WIZ: variants seen among roughly 807,000 people sequenced by gnomAD.
The protein encoded by WIZ is protein Wiz.
Under a neutral mutation model 140.2 loss-of-function variants are expected in WIZ, and 25 were observed. The observed-to-expected ratio is 0.18, with a 90% CI of 0.13 to 0.25. WIZ has a LOEUF of 0.25. Ranked by LOEUF, WIZ falls within the 10% of genes least tolerant of loss-of-function variation. WIZ has a pLI of 1.00. For missense variants in WIZ, 2,231 were observed against 2,632.6 expected, an observed-to-expected ratio of 0.85 and a Z score of 3.34; for synonymous variants, 1,125 against 1,154.3, an observed-to-expected ratio of 0.97 and a Z score of 0.51.
chr19:15,426,949 G>C (rs1968862197), intron 9 of WIZ, 33 bp downstream of exon 9: 1 of 1,573,242 alleles, frequency 6.4e-7, no homozygotes, highest in Non-Finnish European at 8.6e-7. Context: ...CCCTCCAACT[G>C]TTCTCCCTGC....
In WIZ at chr19:15,423,063, GA is replaced by G. The variant is rs768685660; in HGVS notation, c.*12del. ...CAGAGGTGGCACGAGAGGGGATCTG[GA>G]ATGCTTTTGTGTTAGGGAGCCTCTG... On this transcript the variant is annotated 3_prime_UTR_variant, in exon 13 of 13. Transcript: ENST00000673675. The G allele has an allele frequency of 1.2e-6, 2 of 1,609,910 alleles. No individual in the cohort carries two copies. The highest frequency in any genetic ancestry group is 2.7e-5 in the African/African-American group (2 of 74,814).
chr19:15,432,590 G>T (rs1025794544), intron 5 of WIZ: 1 of 372,862 alleles, frequency 2.7e-6, no homozygotes, highest in Admixed American at 6.7e-5. Context: ...GGGCTCGGGG[G>T]GCTGGGCGGG....
chr19:15,434,258 T>TAA (rs969364743), intron 5 of WIZ, among the ~76,000 whole-genome samples: 26 of 67,770 alleles, frequency 3.8e-4, no homozygotes, highest in African/African-American at 6.4e-4. Context: ...ACTCCATCTT[T>TAA]AAAAAAAAAA....
In WIZ at chr19:15,442,755, CAG is replaced by C; in HGVS notation, c.206-9_206-8del. On this transcript the variant is annotated splice_region_variant and splice_polypyrimidine_tract_variant and intron_variant, in intron 2 of 12. Transcript: ENST00000673675. This position sits in a 1 kb window ranked among gnomAD's most constrained non-coding sequence, Gnocchi z 5.5. The stretch of plus-strand genomic sequence containing the variant: ...CCGGGATGGGGCTGCCCGTCTGCAA[CAG>C]AGAGGGGAGACCCTGAGGGGCTGGG... 5 of 1,231,934 alleles carry C rather than the reference CAG, an allele frequency of 4.1e-6. No individual in the cohort carries two copies. The highest frequency in any genetic ancestry group is 5.1e-6 in the Non-Finnish European group (5 of 987,848). 76.3% of individuals were successfully genotyped at this position (1,231,934 alleles called of 1,614,324 possible).
intron 3 of WIZ, among the ~76,000 whole-genome samples, chr19:15,441,243 T>C (rs1969734073): frequency 6.6e-6 from 1 of 152,134 alleles, no homozygotes; most frequent in Admixed American, 6.5e-5. Flanking sequence ...TCAGGAGAGG[T>C]TGAAGGTCCC....
chr19:15,425,080 G>A (rs1188516775), intron 10 of WIZ, 48 bp from the exon 11 acceptor site: 3 of 1,514,172 alleles, frequency 2.0e-6, no homozygotes, highest in Admixed American at 2.0e-5. Flanking sequence ...AAGGGGGCAG[G>A]TGCACCCAGA....
rs940589141 is a variant in WIZ, at chr19:15,429,859, C to T, written c.3142G>A (p.Ala1048Thr). The T allele has an allele frequency of 1.5e-5, 23 of 1,529,694 alleles. No homozygotes were observed. The highest frequency in any genetic ancestry group is 1.8e-5 in the Non-Finnish European group (20 of 1,142,606). The allele number at this position is 1,529,694 out of a possible 1,614,324, so 94.8% of individuals were successfully genotyped here. The part of the protein sequence containing the change: ...KKSSSLKEVV[A>T]GAPRPGLLSL... ...AGCAAGCCGGGCCGGGGGGCCCCGG[C>T]GACCACCTCCTTCAGTGAGCTGGAC... is the stretch of plus-strand genomic sequence containing the variant. The change falls in exon 7 of 13, where the codon GCC (alanine) becomes ACC (threonine). Residue 1048 changes from alanine (A) to threonine (T), a missense_variant. Ala to Thr is a moderately conservative substitution (Grantham distance 58, BLOSUM62 0). Around this residue, in one of 15 missense-constraint regions of WIZ, gnomAD observed 163 missense variants for 166.8 expected, o/e 0.98. Transcript: ENST00000673675.
rs781513451 is a variant in WIZ, at chr19:15,425,763, G to A, written c.4372C>T (p.Arg1458Trp). ...EDMTPLNLSS[R>W]AEPVRDIRCE... ...CGGATGTCGCGCACCGGCTCTGCCCGGGACGCTGCAGGGGATCCAGGGTAG... is the reference window on the plus strand; with the variant it reads ...CGGATGTCGCGCACCGGCTCTGCCCAGGACGCTGCAGGGGATCCAGGGTAG... Residue 1458 changes from arginine (R) to tryptophan (W), a missense_variant, in exon 10 of 13, where the codon CGG (arginine) becomes TGG (tryptophan). Arg to Trp is a moderately radical substitution (Grantham distance 101). Coordinates refer to ENST00000673675, the MANE Select transcript of WIZ (RefSeq NM_001371589.1). 4 of 1,574,924 alleles carry A rather than the reference G, an allele frequency of 2.5e-6. No homozygotes were observed. Among genetic ancestry groups the A allele is most frequent in the Non-Finnish European group, 3.4e-6 (4 of 1,160,516 alleles).
In WIZ at chr19:15,437,132, G is replaced by A; in HGVS notation, c.2417-3C>T. 6.3e-7 allele frequency: 1 copy of A among 1,588,928 alleles called. No homozygotes were observed. The highest frequency in any genetic ancestry group is 8.6e-7 in the Non-Finnish European group (1 of 1,168,402). Reference sequence around the variant, plus strand: ...GGTGCCTGGGTCAAAGTTGGCCACTGTGGAGAGAGGACAGGACTGCCTGAG... The same window carrying A: ...GGTGCCTGGGTCAAAGTTGGCCACTATGGAGAGAGGACAGGACTGCCTGAG... On this transcript the variant is annotated splice_region_variant and splice_polypyrimidine_tract_variant and intron_variant, in intron 4 of 12. Coordinates refer to ENST00000673675, the MANE Select transcript of WIZ (RefSeq NM_001371589.1).
In WIZ at chr19:15,424,690, T is replaced by A. The variant is rs1436096907; in HGVS notation, c.5237A>T (p.Asp1746Val). 1 of 1,586,516 alleles carries A rather than the reference T, an allele frequency of 6.3e-7. No homozygotes were observed. Among genetic ancestry groups the A allele is most frequent in the Non-Finnish European group, 8.5e-7 (1 of 1,174,602 alleles). ...EPGPEAGRAA[D>V]GGERPLAASP... ...GGCTGCCAGAGGCCGCTCACCACCGTCGGCTGCCCGGCCAGCCTCGGGCCC... is the reference window on the plus strand; with the variant it reads ...GGCTGCCAGAGGCCGCTCACCACCGACGGCTGCCCGGCCAGCCTCGGGCCC... Residue 1746 changes from aspartate (D) to valine (V), a missense_variant, in exon 11 of 13, where the codon GAC (aspartate) becomes GTC (valine). Transcript: ENST00000673675. The surrounding 1 kb of genome is among the most constrained non-coding windows in gnomAD (Gnocchi z 9.7).
Position 15,426,645 on chromosome 19 carries a change from T to G in WIZ, c.4366+337A>C, listed in dbSNP as rs550128442. Reference sequence around the variant, plus strand: ...AGACGTTCACTGCCAGTCCCTACGCTCCTGCTGTAGCAGACATCACTAATG... The same window carrying G: ...AGACGTTCACTGCCAGTCCCTACGCGCCTGCTGTAGCAGACATCACTAATG... On this transcript the variant is annotated intron_variant, in intron 9 of 12. Transcript: ENST00000673675. Among the ~76,000 whole-genome samples, 69 of 152,324 alleles carry G rather than the reference T, an allele frequency of 4.5e-4. No homozygotes were observed. The South Asian group carries it at 0.011, about 25-fold the overall frequency.
chr19:15,426,745 A>T lies in WIZ; in HGVS notation c.4366+237T>A, dbSNP rs117738747. Among the ~76,000 whole-genome samples, 707 of 152,314 alleles carry T rather than the reference A, an allele frequency of 4.6e-3. 12 individuals are homozygous for T. The highest frequency in any genetic ancestry group is 0.011 in the South Asian group (52 of 4,830). ...TCGATTGAAATGGCACAAGAGATGG[A>T]ATCTTTCTGCTGTCACTGAATGACA... On this transcript the variant is annotated intron_variant, in intron 9 of 12. Transcript: ENST00000673675.
Position 15,427,244 on chromosome 19 carries a change from G to A in WIZ, c.4104C>T (p.Asp1368=), listed in dbSNP as rs760965284. ...GSSLEARSPS[D]LHISPLAKKL... is the part of the protein sequence containing the mutation. ...TCTTGGCCAAGGGTGAGATGTGAAG[G>A]TCCGAGGGGCTGCGGGCTTCCAGTG... The change falls in exon 9 of 13, where the codon GAC becomes GAT. Residue 1368 remains aspartate, a synonymous_variant. Transcript: ENST00000673675. This position sits in a 1 kb window ranked among gnomAD's most constrained non-coding sequence, Gnocchi z 6.4. The A allele has an allele frequency of 7.4e-6, 12 of 1,613,972 alleles. No homozygotes were observed. Among genetic ancestry groups the A allele is most frequent in the Non-Finnish European group, 1.0e-5 (12 of 1,180,028 alleles).
rs541161920 is a variant in WIZ at position 15,427,124 on chromosome 19, G to C, written c.4224C>G (p.Pro1408=). The change falls in exon 9 of 13, where the codon CCC becomes CCG. Residue 1408 remains proline, a synonymous_variant. Transcript: ENST00000673675. This position sits in a 1 kb window ranked among gnomAD's most constrained non-coding sequence, Gnocchi z 6.4. Reference sequence around the variant, plus strand: ...CAGGCTTCAGCTTCTTGGGCAAGGAGGGTGCAGCCAGGCCTGGGAACATCT... The same window carrying C: ...CAGGCTTCAGCTTCTTGGGCAAGGACGGTGCAGCCAGGCCTGGGAACATCT... ...ARKMFPGLAA[P]SLPKKLKPEQ... The C allele has an allele frequency of 1.5e-4, 246 of 1,614,212 alleles. 2 individuals carry two copies. The South Asian group carries it at 2.1e-3, about 14-fold the overall frequency.
chr19:15,440,954 C>T lies in WIZ; in HGVS notation c.279-239G>A, dbSNP rs1969722718. Among the ~76,000 whole-genome samples the T allele has an allele frequency of 6.6e-6, 1 of 152,146 alleles. No individual in the cohort carries two copies. The highest frequency in any genetic ancestry group is 2.4e-5 in the African/African-American group (1 of 41,412). Reference sequence around the variant, plus strand: ...CACCTGTCCACAAAGCCTAGCCCCGCTGCATTGTGGGGGAATGTACGGAGA... The same window carrying T: ...CACCTGTCCACAAAGCCTAGCCCCGTTGCATTGTGGGGGAATGTACGGAGA... On this transcript the variant is annotated intron_variant, in intron 3 of 12. Transcript: ENST00000673675. The surrounding 1 kb of genome is among the most constrained non-coding windows in gnomAD (Gnocchi z 6.2).
chr19:15,436,694 A>C (rs923423875), intron 5 of WIZ, 112 bp downstream of exon 5: 2 of 1,127,628 alleles, frequency 1.8e-6, no homozygotes, highest in Non-Finnish European at 2.4e-6. Flanking sequence ...TTGTAAAGTG[A>C]CTCAAAATGC....
In WIZ at chr19:15,425,025, C is replaced by T. The variant is rs1163627407; in HGVS notation, c.4902G>A (p.Glu1634=). 1 of 1,583,788 alleles carries T rather than the reference C, an allele frequency of 6.3e-7. No individual in the cohort carries two copies. Among genetic ancestry groups the T allele is most frequent in the Non-Finnish European group, 8.6e-7 (1 of 1,167,768 alleles). ...LHEKTSHSST[E]ACCELCGLYF... is the part of the protein sequence containing the mutation. ...AAAGGCCACACAGCTCGCAGCAGGC[C>T]TCGGTGGCTGCGGGGCGGAGGGGGT... The change falls in exon 11 of 13, where the codon GAG becomes GAA. Residue 1634 remains glutamate (E), a synonymous_variant. Transcript: ENST00000673675.
chr19:15,442,877 G>GGAACT lies in WIZ; in HGVS notation c.206-130_206-129insAGTTC. ...TGGCTCCCAGTTCCTCTCCCTGAGA[G>GGAACT]GCCCGTGGCCTCTGTGGTCCTGAGC... On this transcript the variant is annotated intron_variant, in intron 2 of 12. Transcript: ENST00000673675. This position sits in a 1 kb window ranked among gnomAD's most constrained non-coding sequence, Gnocchi z 5.5. 4.3e-6 allele frequency: 2 copies of GGAACT among 469,080 alleles called. No homozygotes were observed. Among genetic ancestry groups the GGAACT allele is most frequent in the Non-Finnish European group, 6.9e-6 (2 of 291,066 alleles). 29.1% of individuals were successfully genotyped at this position (469,080 alleles called of 1,614,324 possible).
rs1001534970 is a variant in WIZ at position 15,425,232 on chromosome 19, G to A, written c.4894+9C>T. The A allele has an allele frequency of 8.9e-6, 14 of 1,567,466 alleles. No homozygotes were observed. Among genetic ancestry groups the A allele is most frequent in the Admixed American group, 3.7e-5 (2 of 53,834 alleles). On this transcript the variant is annotated intron_variant, in intron 10 of 12. Transcript: ENST00000673675. ...TCGCCCTCCCAGGACCCTGCCGCCC[G>A]CTGCTTACAGGAGTGGGAGGTCTTC...
Sources: allele counts gnomAD v4.1 joint callset (sites outside exome capture counted in the v4.1 genomes callset), GRCh38; gene constraint gnomAD v4.1.1; regional missense constraint gnomAD v4.1.1; non-coding constraint Gnocchi (gnomAD v3.1); transcripts MANE v1.5; gene names NCBI Gene and HGNC (gene_info 2026-07-23, HGNC 2026-07-21).